STK40: variants seen among roughly 807,000 people sequenced by gnomAD.
The protein encoded by STK40 is serine/threonine-protein kinase 40.
In STK40, 13 loss-of-function variants were observed where a neutral mutation model predicts 47.9. The observed-to-expected ratio is 0.27, with a 90% confidence interval of 0.18 to 0.43. The LOEUF is 0.43. Among genes scored for constraint, STK40 ranks in the 20% least tolerant of loss-of-function variants. The pLI is 1.00. For missense variants in STK40, 460 were observed against 595.1 expected, an observed-to-expected ratio of 0.77 and a Z score of 2.36; for synonymous variants, 225 against 243.2, an observed-to-expected ratio of 0.93 and a Z score of 0.69.
Position 36,341,786 on chromosome 1 carries a change from G to C in STK40, c.1277C>G (p.Ala426Gly). The change falls in exon 11 of 11, where the codon GCC becomes GGC. Residue 426 changes from alanine (A) to glycine (G), a missense_variant. Physicochemically the swap from Ala to Gly is moderately conservative, Grantham distance 60 (BLOSUM62 0). Transcript: ENST00000373132. ...CCGCAGGTAGCGCTGCGCCAGGATG[G>C]CCGTGTCCAAGGAGGTCATGGGCTG... The part of the protein sequence containing the change: ...DAQPMTSLDT[A>G]ILAQRYLRK 1 of 1,612,322 alleles carries C rather than the reference G, an allele frequency of 6.2e-7. No individual in the cohort carries two copies. The highest frequency in any genetic ancestry group is 8.5e-7 in the Non-Finnish European group (1 of 1,179,726).
At chr1:36,358,053 G>C (rs1299262548) in intron 4 of STK40, among the ~76,000 whole-genome samples, 186 bp downstream of exon 4, 1 of 152,188 alleles carries the variant, frequency 6.6e-6, no homozygotes, top group African/African-American at 2.4e-5. Flanking sequence ...CAGGAGCACA[G>C]CTAGTGTGGC....
Position 36,364,159 on chromosome 1 carries a change from AAAC to A in STK40, c.-8-2822_-8-2820del, listed in dbSNP as rs141825657. The stretch of plus-strand genomic sequence containing the variant: ...GAGCAAGACTCCGTCTCAAAAGAAA[AAAC>A]AACAACAACAACAAAAATATACATC... On this transcript the variant is annotated intron_variant, in intron 1 of 10. Coordinates refer to ENST00000373132, the MANE Select transcript of STK40 (RefSeq NM_001282547.2). Among the ~76,000 whole-genome samples the A allele has an allele frequency of 6.5e-3, 990 of 152,282 alleles. 8 individuals are homozygous for A. Among genetic ancestry groups the A allele is most frequent in the African/African-American group, 0.022 (925 of 41,538 alleles).
In STK40 at chr1:36,373,659, G is replaced by A. The variant is rs565201506; in HGVS notation, c.-9+12064C>T. On this transcript the variant is annotated intron_variant, in intron 1 of 10. Transcript: ENST00000373132. ...TTAGTAATCCCTCGATTTCAGCCAGGACTCCCTGACGACAAAGATTCATGC... is the reference window on the plus strand; with the variant it reads ...TTAGTAATCCCTCGATTTCAGCCAGAACTCCCTGACGACAAAGATTCATGC... 3.9e-5 allele frequency among the ~76,000 whole-genome samples: 6 copies of A among 152,194 alleles called. No individual in the cohort carries two copies. The South Asian group carries it at 6.2e-4, about 16-fold the overall frequency.
chr1:36,378,521 C>T (rs530018218), intron 1 of STK40, among the ~76,000 whole-genome samples: 24 of 151,976 alleles, frequency 1.6e-4, no homozygotes, highest in African/African-American at 5.1e-4. Flanking sequence ...TGCAGTGACA[C>T]GATCTTGGCT....
chr1:36,356,494 C>T (rs1305318007), intron 4 of STK40, among the ~76,000 whole-genome samples: 3 of 143,394 alleles, frequency 2.1e-5, no homozygotes, highest in Non-Finnish European at 4.5e-5. Context: ...GTCACGCTCT[C>T]GGCTCACTGC....
In STK40 at chr1:36,358,232, C is replaced by T. The variant is rs377010667; in HGVS notation, c.342+7G>A. 200 of 1,577,538 alleles carry T rather than the reference C, an allele frequency of 1.3e-4. No homozygotes were observed. The African/African-American group carries it at 2.3e-3, about 18-fold the overall frequency. Reference sequence around the variant, plus strand: ...GAGCGCGAAGGGTGAGGGGGAAGGCCGCTCACCTGGAAGAGGCCGTGGTGG... The same window carrying T: ...GAGCGCGAAGGGTGAGGGGGAAGGCTGCTCACCTGGAAGAGGCCGTGGTGG... On this transcript the variant is annotated splice_region_variant and intron_variant, in intron 4 of 10. Coordinates refer to ENST00000373132, the MANE Select transcript of STK40 (RefSeq NM_001282547.2).
At chr1:36,349,245 G>A (rs529009942) in intron 6 of STK40, among the ~76,000 whole-genome samples, 1 of 152,206 alleles carries the variant, frequency 6.6e-6, no homozygotes, top group African/African-American at 2.4e-5. Context: ...TCCAGCAGAG[G>A]TGAGTGACTC....
chr1:36,380,477 A>G (rs1442816340), intron 1 of STK40, among the ~76,000 whole-genome samples: 7 of 152,108 alleles, frequency 4.6e-5, no homozygotes, highest in Non-Finnish European at 8.8e-5. Flanking sequence ...TCTGGCAGAT[A>G]TCAGTCCTTC....
intron 1 of STK40, among the ~76,000 whole-genome samples, chr1:36,365,110 C>A (rs1557517841): frequency 6.6e-6 from 1 of 151,984 alleles, no homozygotes. Flanking sequence ...TCCTGCTCAG[C>A]CTCCCAAGTA....
chr1:36,345,833 C>T (rs538979987), intron 7 of STK40, among the ~76,000 whole-genome samples: 2 of 151,500 alleles, frequency 1.3e-5, no homozygotes, highest in East Asian at 3.9e-4. Flanking sequence ...TATGAATGGC[C>T]CCTCCCCAGA....
intron 1 of STK40, among the ~76,000 whole-genome samples, chr1:36,376,678 G>C (rs1187623053): frequency 6.6e-6 from 1 of 152,196 alleles, no homozygotes; most frequent in African/African-American, 2.4e-5. Flanking sequence ...GTCCACACCT[G>C]CTGATAAAGA....
chr1:36,363,882 T>C (rs972569730), intron 1 of STK40, among the ~76,000 whole-genome samples: 3 of 150,212 alleles, frequency 2.0e-5, no homozygotes, highest in Non-Finnish European at 4.4e-5. Context: ...CCAAGCGCGG[T>C]GGCTCACACC....
chr1:36,381,350 T>A (rs1393787490), intron 1 of STK40, among the ~76,000 whole-genome samples: 1 of 152,200 alleles, frequency 6.6e-6, no homozygotes, highest in Non-Finnish European at 1.5e-5. Context: ...CCCTTCACAC[T>A]CTGGGCTAGA....
intron 7 of STK40, 104 bp downstream of exon 7, chr1:36,348,596 C>T (rs1166528388): frequency 1.9e-5 from 19 of 1,009,560 alleles, no homozygotes; most frequent in Non-Finnish European, 2.9e-5. Context: ...CCCAGTGAAG[C>T]CCCAGCACCT....
chr1:36,362,171 G>A (rs1309707001), intron 1 of STK40, among the ~76,000 whole-genome samples: 1 of 152,162 alleles, frequency 6.6e-6, no homozygotes, highest in Non-Finnish European at 1.5e-5. Flanking sequence ...GAGGCTAAAA[G>A]ACACCTCTGG....
chr1:36,354,467 CAGGG>C, intron 5 of STK40, 51 bp from the exon 6 acceptor site: 1 of 1,603,968 alleles, frequency 6.2e-7, no homozygotes, highest in Non-Finnish European at 8.5e-7. Context: ...GAGGTGGGGT[CAGGG>C]CCCACCCTGT....
At chr1:36,367,237 G>C (rs1646910525) in intron 1 of STK40, among the ~76,000 whole-genome samples, 1 of 152,138 alleles carries the variant, frequency 6.6e-6, no homozygotes, top group Admixed American at 6.5e-5. Flanking sequence ...CAATGAGGGT[G>C]AGGGGAGGAG....
chr1:36,383,579 C>G (rs976905519), intron 1 of STK40, among the ~76,000 whole-genome samples: 5 of 152,214 alleles, frequency 3.3e-5, no homozygotes, highest in Admixed American at 3.3e-4. Flanking sequence ...TTCAGTCGCT[C>G]CTGTCCTCCT....
intron 2 of STK40, 35 bp downstream of exon 2, chr1:36,361,186 A>G (rs369683739): frequency 1.2e-6 from 2 of 1,612,452 alleles, no homozygotes; most frequent in African/African-American, 2.7e-5. Context: ...CCTGCCTCCC[A>G]GCCCACCCAT....
Sources: allele counts gnomAD v4.1 joint callset (sites outside exome capture counted in the v4.1 genomes callset), GRCh38; gene constraint gnomAD v4.1.1; transcripts MANE v1.5; gene names NCBI Gene and HGNC (gene_info 2026-07-23, HGNC 2026-07-21).